Variants in EDA observed in about 807,000 individuals in gnomAD.
EDA encodes ectodysplasin A, also known as ectodysplasin-A.
In EDA, 2 loss-of-function variants were observed where a neutral mutation model predicts 23.6. The observed-to-expected ratio is 0.08, with a 90% CI of 0.03 to 0.27. The LOEUF (loss-of-function observed/expected upper bound fraction) is 0.27, where lower values mean the gene tolerates loss of function less well. EDA is among the 10% of genes least tolerant of loss of function. The pLI is 1.00. For missense variants in EDA, 229 were observed against 324.2 expected, an observed-to-expected ratio of 0.71 and a Z score of 2.26; for synonymous variants, 131 against 132.0, an observed-to-expected ratio of 0.99 and a Z score of 0.05.
intron 1 of EDA, among the ~76,000 whole-genome samples, chrX:69,855,366 T>G (rs961875841): frequency 2.4e-4 from 27 of 111,976 alleles, no homozygotes; most frequent in Admixed American, 4.8e-4. Flanking sequence ...AAGCAAAGAT[T>G]TCTTCGTTGT....
At chrX:69,941,216 G>A (rs986615850) in intron 1 of EDA, among the ~76,000 whole-genome samples, 2 of 111,945 alleles carry the variant, frequency 1.8e-5, no homozygotes, top group African/African-American at 3.2e-5. Flanking sequence ...AATGATCCAT[G>A]TGCTGAGAAG....
At chrX:69,863,755 G>A (rs145061058) in intron 1 of EDA, among the ~76,000 whole-genome samples, 14 of 107,906 alleles carry the variant, frequency 1.3e-4, no homozygotes, top group East Asian at 2.9e-4. Flanking sequence ...GTGTGTGTGT[G>A]TATATATATT....
chrX:69,771,580 A>G (rs1357964394), intron 1 of EDA, among the ~76,000 whole-genome samples: 2 of 111,932 alleles, frequency 1.8e-5, no homozygotes, highest in Admixed American at 9.5e-5. Flanking sequence ...GGGGTGATCA[A>G]AATATTCCAA....
At chrX:69,663,822 C>T (rs1933593736) in intron 1 of EDA, among the ~76,000 whole-genome samples, 1 of 112,633 alleles carries the variant, frequency 8.9e-6, no homozygotes, top group African/African-American at 3.2e-5. Context: ...CCTCTTGCAT[C>T]AGCGTTACCT....
chrX:69,713,492 A>G (rs1417220328), intron 1 of EDA, among the ~76,000 whole-genome samples: 2 of 111,666 alleles, frequency 1.8e-5, no homozygotes, highest in Non-Finnish European at 3.8e-5. Context: ...TTGTCCTTTT[A>G]TAAACACACC....
chrX:69,918,424 TG>T (rs1173731580), intron 1 of EDA, among the ~76,000 whole-genome samples: 1 of 111,867 alleles, frequency 8.9e-6, no homozygotes, highest in African/African-American at 3.2e-5. Flanking sequence ...CCCAAAGTGC[TG>T]GGATTACAGG....
chrX:69,995,430 G>A (rs1286132649), intron 2 of EDA, among the ~76,000 whole-genome samples: 1 of 112,350 alleles, frequency 8.9e-6, no homozygotes, highest in Non-Finnish European at 1.9e-5. Flanking sequence ...TGACAGTGAA[G>A]TCACCAGGTC....
intron 3 of EDA, 100 bp from the exon 4 acceptor site, chrX:70,027,757 A>G: frequency 2.0e-6 from 1 of 495,232 alleles, no homozygotes; most frequent in Admixed American, 2.9e-5. Flanking sequence ...CGGGAGGTGG[A>G]GGTTGCAGTG....
chrX:69,993,313 C>T (rs1286372926), intron 2 of EDA, among the ~76,000 whole-genome samples: 1 of 111,099 alleles, frequency 9.0e-6, no homozygotes, highest in African/African-American at 3.3e-5. Flanking sequence ...TAACCTTAAA[C>T]TAACTTTCTA....
rs1281865161 is a variant in EDA, at chrX:69,705,240, G to A, written c.396+88536G>A. Among the ~76,000 whole-genome samples, 78 of 72,287 alleles carry A rather than the reference G, an allele frequency of 1.1e-3. 1 individual carries two copies. Among genetic ancestry groups the A allele is most frequent in the Non-Finnish European group, 1.3e-3 (39 of 30,710 alleles). The allele number at this position is 72,287 out of a possible 115,157, so 62.8% of individuals were successfully genotyped here. A position where few individuals can be genotyped will look rare whatever the true frequency, so the allele number is the denominator to read the frequency against. On this transcript the variant is annotated intron_variant, in intron 1 of 7. Transcript: ENST00000374552. The stretch of plus-strand genomic sequence containing the variant: ...CTCCATCTCAAAAAAAAAAAAAAAA[G>A]AAAGAAAGAAAAAAGAAAAACAGCA...
chrX:69,751,861 A>T (rs904870008), intron 1 of EDA, among the ~76,000 whole-genome samples: 6 of 107,649 alleles, frequency 5.6e-5, no homozygotes, highest in Admixed American at 3.9e-4. Flanking sequence ...AACAGAACAG[A>T]ATCCTGTTCT....
intron 1 of EDA, among the ~76,000 whole-genome samples, chrX:69,625,073 C>G (rs147319310): frequency 0.01 from 1,138 of 111,111 alleles, 13 homozygotes; most frequent in African/African-American, 0.036. Flanking sequence ...GTTTATTGAT[C>G]ATCTCCTGTG....
At chrX:69,681,424 C>G (rs1174282377) in intron 1 of EDA, among the ~76,000 whole-genome samples, 5 of 111,290 alleles carry the variant, frequency 4.5e-5, no homozygotes, top group Non-Finnish European at 9.4e-5. Flanking sequence ...TGTTTTCCAA[C>G]TTGGGTCCAT....
At chrX:69,997,495 G>A (rs938337222) in intron 2 of EDA, among the ~76,000 whole-genome samples, 1 of 108,077 alleles carries the variant, frequency 9.3e-6, no homozygotes, top group Non-Finnish European at 1.9e-5. Flanking sequence ...TAAAAGTTTG[G>A]AAAATTAACC....
At chrX:69,765,553 A>G (rs1430462858) in intron 1 of EDA, among the ~76,000 whole-genome samples, 1 of 111,937 alleles carries the variant, frequency 8.9e-6, no homozygotes, top group Non-Finnish European at 1.9e-5. Flanking sequence ...AGTTGTTTGC[A>G]ATGTGTTGGT....
intron 7 of EDA, among the ~76,000 whole-genome samples, chrX:70,034,767 ACCTGTTT>A (rs2020241948): frequency 9.0e-6 from 1 of 111,382 alleles, no homozygotes; most frequent in South Asian, 3.8e-4. Flanking sequence ...ATCTCTCTGG[ACCTGTTT>A]CCTCAATCAT....
At chrX:69,997,883 G>T in intron 2 of EDA, among the ~76,000 whole-genome samples, 1 of 112,650 alleles carries the variant, frequency 8.9e-6, no homozygotes, top group East Asian at 2.8e-4. Flanking sequence ...CAGAAGTCAA[G>T]AATTGGGGTT....
At chrX:69,635,637 C>T (rs1159470991) in intron 1 of EDA, among the ~76,000 whole-genome samples, 6 of 94,324 alleles carry the variant, frequency 6.4e-5, no homozygotes, top group African/African-American at 2.1e-4. Context: ...GGCATCATCT[C>T]GGCTCACTGC....
intron 1 of EDA, chrX:69,937,698 A>G (rs1012755630): frequency 2.6e-6 from 3 of 1,147,273 alleles, no homozygotes; most frequent in Admixed American, 4.4e-5. Context: ...CTGGGCATAC[A>G]TGTCCTCTGT....
Sources: allele counts gnomAD v4.1 joint callset (sites outside exome capture counted in the v4.1 genomes callset), GRCh38; gene constraint gnomAD v4.1.1; transcripts MANE v1.5; gene names NCBI Gene and HGNC (gene_info 2026-07-23, HGNC 2026-07-21).